NRCAM: variants seen among roughly 807,000 people sequenced by gnomAD.
NRCAM encodes NgCAM-related cell adhesion molecule.
In NRCAM, 83 loss-of-function variants were observed where a neutral mutation model predicts 156.5. That is an observed-to-expected ratio of 0.53 (90% CI 0.44 to 0.64). NRCAM has a LOEUF of 0.64. NRCAM is among the 30% of genes least tolerant of loss of function. The pLI is 0.00. For missense variants in NRCAM, 1,417 were observed against 1,597.3 expected (o/e 0.89, Z 1.92); for synonymous variants, 538 against 563.9 (o/e 0.95, Z 0.65).
intron 3 of NRCAM, among the ~76,000 whole-genome samples, chr7:108,250,776 C>T (rs1264606964): frequency 6.6e-6 from 1 of 152,038 alleles, no homozygotes; most frequent in East Asian, 1.9e-4. Flanking sequence ...GTCTGTAACA[C>T]AAAGCATAAA....
chr7:108,243,079 T>G (rs2095644637), intron 3 of NRCAM: 2 of 152,224 alleles, frequency 1.3e-5, no homozygotes, highest in Non-Finnish European at 2.9e-5. Flanking sequence ...ATCCTCATAC[T>G]GCTGGGAGGT....
At chr7:108,217,842 T>C (rs2090130568) in intron 11 of NRCAM, among the ~76,000 whole-genome samples, 1 of 152,184 alleles carries the variant, frequency 6.6e-6, no homozygotes. Context: ...CAGTGGATCT[T>C]AGCTTGCTGG....
At chr7:108,388,872 A>C (rs1328686887) in intron 2 of NRCAM, among the ~76,000 whole-genome samples, 1 of 151,972 alleles carries the variant, frequency 6.6e-6, no homozygotes, top group African/African-American at 2.4e-5. Flanking sequence ...ATGGTTGTAG[A>C]TATGCGGCAT....
intron 1 of NRCAM, among the ~76,000 whole-genome samples, chr7:108,404,461 T>A (rs1297729693): frequency 6.6e-6 from 1 of 152,216 alleles, no homozygotes; most frequent in East Asian, 1.9e-4. Context: ...AACGTCGTTT[T>A]TCTAGCATTT....
chr7:108,164,573 G>A (rs538391787), intron 30 of NRCAM, among the ~76,000 whole-genome samples: 5 of 151,928 alleles, frequency 3.3e-5, no homozygotes, highest in African/African-American at 1.2e-4. Context: ...GAGAGGAGAG[G>A]AGGAGCAGGA....
At chr7:108,157,407 C>T (rs1277685179) in intron 32 of NRCAM, among the ~76,000 whole-genome samples, 1 of 152,010 alleles carries the variant, frequency 6.6e-6, no homozygotes, top group Non-Finnish European at 1.5e-5. Flanking sequence ...AAATACTTGC[C>T]ACGTACTGCT....
intron 1 of NRCAM, among the ~76,000 whole-genome samples, chr7:108,406,698 C>G (rs1204320176): frequency 2.6e-5 from 4 of 152,296 alleles, no homozygotes; most frequent in East Asian, 3.9e-4. Flanking sequence ...AATACAAATG[C>G]CATGCAACCT....
chr7:108,441,604 G>A (rs573708556), intron 1 of NRCAM, among the ~76,000 whole-genome samples: 6 of 152,334 alleles, frequency 3.9e-5, no homozygotes, highest in African/African-American at 1.2e-4. Context: ...CAGGAATTAC[G>A]ACTGAGGGAT....
intron 14 of NRCAM, among the ~76,000 whole-genome samples, chr7:108,196,953 C>CAATG (rs2075465652): frequency 6.6e-6 from 1 of 152,006 alleles, no homozygotes; most frequent in African/African-American, 2.4e-5. Flanking sequence ...AAGTGCCCAC[C>CAATG]AATGAATGAA....
At chr7:108,262,911 T>G (rs1023476067) in intron 3 of NRCAM, among the ~76,000 whole-genome samples, 1 of 152,120 alleles carries the variant, frequency 6.6e-6, no homozygotes, top group African/African-American at 2.4e-5. Flanking sequence ...GAAGCATAAC[T>G]ACAGACTCCC....
Position 108,390,162 on chromosome 7 carries a change from G to A in NRCAM, c.-174+9274C>T, listed in dbSNP as rs191547244. Among the ~76,000 whole-genome samples, 16 of 152,172 alleles carry A rather than the reference G, an allele frequency of 1.1e-4. No individual in the cohort carries two copies. In the East Asian group the frequency reaches 2.9e-3, roughly 28 times the overall value. On this transcript the variant is annotated intron_variant, in intron 2 of 32. Coordinates refer to ENST00000379028, the MANE Select transcript of NRCAM (RefSeq NM_001037132.4). ...CCTCCTTGTACCTCTGGTAGAATTC[G>A]GCTATGAATCCATCTGGTCCTGGAC...
At chr7:108,239,221 T>G (rs913010604) in intron 4 of NRCAM, among the ~76,000 whole-genome samples, 3 of 152,126 alleles carry the variant, frequency 2.0e-5, no homozygotes, top group Non-Finnish European at 2.9e-5. Flanking sequence ...GAGAGCACAG[T>G]ATATATTTAC....
intron 8 of NRCAM, among the ~76,000 whole-genome samples, chr7:108,229,077 T>C (rs112491477): frequency 2.6e-5 from 4 of 152,274 alleles, no homozygotes; most frequent in African/African-American, 9.6e-5. Flanking sequence ...TCACTGAAAA[T>C]AGAACGTATT....
At chr7:108,437,166 C>T (rs973041049) in intron 1 of NRCAM, among the ~76,000 whole-genome samples, 2 of 152,076 alleles carry the variant, frequency 1.3e-5, no homozygotes, top group African/African-American at 2.4e-5. Flanking sequence ...CAGCCAGGCG[C>T]AGAAAGGCAA....
At chr7:108,335,876 C>T (rs888737369) in intron 2 of NRCAM, among the ~76,000 whole-genome samples, 10 of 152,072 alleles carry the variant, frequency 6.6e-5, no homozygotes, top group Admixed American at 3.9e-4. Context: ...TTTCTATTTT[C>T]CACAGTCAGT....
chr7:108,408,323 T>G (rs1791066441), intron 1 of NRCAM, among the ~76,000 whole-genome samples: 1 of 152,242 alleles, frequency 6.6e-6, no homozygotes, highest in Non-Finnish European at 1.5e-5. Flanking sequence ...ACTGGTTAAA[T>G]ATTGATTTGT....
At chr7:108,271,045 T>C (rs1201254153) in intron 3 of NRCAM, among the ~76,000 whole-genome samples, 4 of 152,140 alleles carry the variant, frequency 2.6e-5, no homozygotes, top group African/African-American at 9.7e-5. Context: ...TTTTCTGGTT[T>C]TCATTAGAAA....
chr7:108,319,972 A>G (rs2098981165), intron 2 of NRCAM, among the ~76,000 whole-genome samples: 1 of 152,214 alleles, frequency 6.6e-6, no homozygotes, highest in Non-Finnish European at 1.5e-5. Context: ...GATCACAAAT[A>G]ATACTTATTT....
At chr7:108,415,388 G>T (rs1054394504) in intron 1 of NRCAM, among the ~76,000 whole-genome samples, 2 of 152,262 alleles carry the variant, frequency 1.3e-5, no homozygotes, top group East Asian at 1.9e-4. Flanking sequence ...CTTCAATCTG[G>T]TTTTTGTGTC....
Sources: allele counts gnomAD v4.1 joint callset (sites outside exome capture counted in the v4.1 genomes callset), GRCh38; gene constraint gnomAD v4.1.1; transcripts MANE v1.5; gene names NCBI Gene and HGNC (gene_info 2026-07-23, HGNC 2026-07-21).